Variants in STARD6 observed in about 807,000 individuals in gnomAD.
STARD6 encodes the protein StAR related lipid transfer domain containing 6, also known as stAR-related lipid transfer protein 6.
Under a neutral mutation model 22.3 loss-of-function variants are expected in STARD6, and 21 were observed. The ratio of observed to expected loss-of-function variants is 0.94; its 90% CI spans 0.67 to 1.35. The LOEUF (loss-of-function observed/expected upper bound fraction) is 1.35, where lower values mean the gene tolerates loss of function less well. Ranked by LOEUF, STARD6 falls within the 40% of genes most tolerant of loss-of-function variation. The probability of loss-of-function intolerance (pLI) is 0.00; values close to 1 mark genes in which losing one functional copy is unlikely to be tolerated. For synonymous variants in STARD6, 80 were observed against 88.1 expected (o/e 0.91, Z 0.52); for missense variants, 269 against 266.9 (o/e 1.01, Z -0.05).
At chr18:54,328,834 C>T (rs186639360) in intron 7 of STARD6, among the ~76,000 whole-genome samples, 61 of 152,258 alleles carry the variant, frequency 4.0e-4, no homozygotes, top group African/African-American at 1.4e-3. Flanking sequence ...CCAAGGCCAC[C>T]TTTAGGCAGT....
In STARD6 at chr18:54,331,829, T is replaced by G; in HGVS notation, c.298A>C (p.Ser100Arg). 4 of 1,612,826 alleles carry G rather than the reference T, an allele frequency of 2.5e-6. No individual in the cohort carries two copies. Among genetic ancestry groups the G allele is most frequent in the Non-Finnish European group, 3.4e-6 (4 of 1,179,090 alleles). ...GGGGAAATGGAGCCCACGGCAAAACTTTGTGTAATGGTATGACATATGAAT... is the reference window on the plus strand; with the variant it reads ...GGGGAAATGGAGCCCACGGCAAAACGTTGTGTAATGGTATGACATATGAAT... ...DTFICHTITQ[S>R]FAVGSISPRD... is the part of the protein sequence containing the mutation. The change falls in exon 6 of 8, where the codon AGT becomes CGT. Residue 100 changes from serine to arginine, a missense_variant. Physicochemically the swap from Ser to Arg is moderately radical, Grantham distance 110 (BLOSUM62 -1). Coordinates refer to ENST00000307844, the MANE Select transcript of STARD6 (RefSeq NM_139171.2).
At chr18:54,348,301 T>A (rs955617677) in intron 4 of STARD6, among the ~76,000 whole-genome samples, 8 of 152,124 alleles carry the variant, frequency 5.3e-5, no homozygotes, top group African/African-American at 1.9e-4. Flanking sequence ...GTGGTGGTAA[T>A]GATGGTGGTA....
intron 6 of STARD6, among the ~76,000 whole-genome samples, chr18:54,331,187 A>T (rs1287018801): frequency 6.6e-6 from 1 of 152,142 alleles, no homozygotes; most frequent in Non-Finnish European, 1.5e-5. Context: ...GAGTCCATAG[A>T]TCTGTATGGT....
Position 54,324,629 on chromosome 18 carries a change from G to C in STARD6, c.*63C>G. ...ATTATTTATGTGCGTTGACTTAGAA[G>C]TAAACAGCAATAACTACTACACATG... is the stretch of plus-strand genomic sequence containing the variant. On this transcript the variant is annotated 3_prime_UTR_variant, in exon 8 of 8. Coordinates refer to ENST00000307844, the MANE Select transcript of STARD6 (RefSeq NM_139171.2). The C allele has an allele frequency of 6.6e-7, 1 of 1,519,530 alleles. No individual in the cohort carries two copies. Among genetic ancestry groups the C allele is most frequent in the Non-Finnish European group, 9.1e-7 (1 of 1,104,616 alleles). The allele number at this position is 1,519,530 out of a possible 1,614,324, so 94.1% of individuals were successfully genotyped here.
intron 1 of STARD6, chr18:54,356,959 T>A (rs1237028596): frequency 6.6e-6 from 1 of 152,194 alleles, no homozygotes; most frequent in Non-Finnish European, 1.5e-5. Context: ...GCTTCCGGAC[T>A]TTTTCATTTG....
chr18:54,351,899 GTTTTTTTTTTTT>G (rs60888927), intron 4 of STARD6, among the ~76,000 whole-genome samples: 1 of 70,660 alleles, frequency 1.4e-5, no homozygotes, highest in Non-Finnish European at 2.4e-5. Flanking sequence ...ATATTGGTCC[GTTTTTTTTTTTT>G]TTTTTTTTTT....
intron 1 of STARD6, among the ~76,000 whole-genome samples, chr18:54,357,556 G>C (rs907517289): frequency 3.3e-5 from 5 of 152,116 alleles, no homozygotes; most frequent in Non-Finnish European, 5.9e-5. Context: ...GGAAAAACTG[G>C]AGCTGTGGGG....
chr18:54,351,189 C>G (rs879451376), intron 4 of STARD6, among the ~76,000 whole-genome samples: 1 of 152,048 alleles, frequency 6.6e-6, no homozygotes, highest in Non-Finnish European at 1.5e-5. Flanking sequence ...GTAGAGATCT[C>G]TCACCATCTT....
At position 54,331,752 on chromosome 18, in the gene STARD6, GT is replaced by G; in HGVS notation, c.374del (p.Asn125ThrfsTer43). On this transcript the variant is annotated frameshift_variant, in exon 6 of 8. Transcript: ENST00000307844. ...AATGTTTCAACTTACAACTGATAAT[GT>G]TCATATTTCCTTCGTAGCGCTTGAT... is the stretch of plus-strand genomic sequence containing the variant. ...VYIKRYEGNM[N>X]IISSKSVDFP... is the part of the protein sequence containing the mutation. 1 of 1,606,836 alleles carries G rather than the reference GT, an allele frequency of 6.2e-7. No homozygotes were observed. The highest frequency in any genetic ancestry group is 8.5e-7 in the Non-Finnish European group (1 of 1,175,152).
At chr18:54,339,044 CAAAAAAAAAAAA>C (rs760501311) in intron 4 of STARD6, among the ~76,000 whole-genome samples, 14 of 10,412 alleles carry the variant, frequency 1.3e-3, no homozygotes, top group African/African-American at 1.8e-3. Flanking sequence ...GAGACTCCAT[CAAAAAAAAAAAA>C]AAAAAAAAAA....
At chr18:54,327,307 TTAGA>T (rs2088832276) in intron 7 of STARD6, among the ~76,000 whole-genome samples, 1 of 152,210 alleles carries the variant, frequency 6.6e-6, no homozygotes, top group Non-Finnish European at 1.5e-5. Flanking sequence ...TTTTTAATTG[TTAGA>T]TAGTATGGTT....
chr18:54,354,710 T>G lies in STARD6; in HGVS notation c.-4-133A>C, dbSNP rs568610973. The G allele has an allele frequency of 2.5e-5, 16 of 628,600 alleles. No individual in the cohort carries two copies. In the South Asian group the frequency reaches 3.4e-4, roughly 13 times the overall value. 38.9% of individuals were successfully genotyped at this position (628,600 alleles called of 1,614,324 possible). A position where few individuals can be genotyped will look rare whatever the true frequency, so the allele number is the denominator to read the frequency against. Reference sequence around the variant, plus strand: ...TGAACATAATTACTTGATGAATGCATGTATGCATGAACCCCTCTCTCCTTA... The same window carrying G: ...TGAACATAATTACTTGATGAATGCAGGTATGCATGAACCCCTCTCTCCTTA... On this transcript the variant is annotated intron_variant, in intron 2 of 7. Coordinates refer to ENST00000307844, the MANE Select transcript of STARD6 (RefSeq NM_139171.2).
At chr18:54,329,219 G>T in intron 7 of STARD6, 128 bp downstream of exon 7, 1 of 626,450 alleles carries the variant, frequency 1.6e-6, no homozygotes, top group East Asian at 3.0e-5. Flanking sequence ...ATCATATTTA[G>T]GGGAAGTTTT....
At chr18:54,326,326 CTTT>C (rs11353724) in intron 7 of STARD6, among the ~76,000 whole-genome samples, 12 of 120,252 alleles carry the variant, frequency 1.0e-4, no homozygotes, top group African/African-American at 2.8e-4. Flanking sequence ...GCTGACAGGT[CTTT>C]TTTTTTTTTT....
intron 1 of STARD6, among the ~76,000 whole-genome samples, chr18:54,356,863 C>T (rs1168865027): frequency 6.6e-6 from 1 of 152,168 alleles, no homozygotes; most frequent in Non-Finnish European, 1.5e-5. Context: ...TTGGGACATA[C>T]CACTAGCAGG....
chr18:54,344,604 AAAT>A (rs2144687118), intron 4 of STARD6, among the ~76,000 whole-genome samples: 1 of 147,910 alleles, frequency 6.8e-6, no homozygotes, highest in African/African-American at 2.5e-5. Flanking sequence ...AAAAAAAAGA[AAAT>A]AAAACTACAC....
Position 54,331,739 on chromosome 18 carries a change from T to G in STARD6, c.385+3A>C, listed in dbSNP as rs970690217. 2.5e-6 allele frequency: 4 copies of G among 1,597,688 alleles called. No homozygotes were observed. Among genetic ancestry groups the G allele is most frequent in the Non-Finnish European group, 3.4e-6 (4 of 1,168,024 alleles). ...AAGATATGGGCAAAATGTTTCAACTTACAACTGATAATGTTCATATTTCCT... is the reference window on the plus strand; with the variant it reads ...AAGATATGGGCAAAATGTTTCAACTGACAACTGATAATGTTCATATTTCCT... On this transcript the variant is annotated splice_donor_region_variant and intron_variant, in intron 6 of 7. Transcript: ENST00000307844.
rs2088806925 is a variant in STARD6 at position 54,324,601 on chromosome 18, A to G, written c.*91T>C. The G allele has an allele frequency of 1.6e-6, 2 of 1,244,064 alleles. No homozygotes were observed. Among genetic ancestry groups the G allele is most frequent in the Non-Finnish European group, 1.1e-6 (1 of 877,198 alleles). The allele number at this position is 1,244,064 out of a possible 1,614,324, so 77.1% of individuals were successfully genotyped here. ...AGAATACTGTCTAGAATAGTTTAAC[A>G]GTATTATTTATGTGCGTTGACTTAG... is the stretch of plus-strand genomic sequence containing the variant. On this transcript the variant is annotated 3_prime_UTR_variant, in exon 8 of 8. Transcript: ENST00000307844.
chr18:54,344,583 TAAAAAA>T (rs55736082), intron 4 of STARD6, among the ~76,000 whole-genome samples: 7 of 94,094 alleles, frequency 7.4e-5, no homozygotes, highest in East Asian at 5.2e-4. Context: ...AAAAATAAAT[TAAAAAA>T]AAAAAAAAAA....
Sources: allele counts gnomAD v4.1 joint callset (sites outside exome capture counted in the v4.1 genomes callset), GRCh38; gene constraint gnomAD v4.1.1; transcripts MANE v1.5; gene names NCBI Gene and HGNC (gene_info 2026-07-23, HGNC 2026-07-21).